The following HNRNPH1 variants were observed in gnomAD, a reference collection of about 807,000 sequenced individuals.
The protein encoded by HNRNPH1 is heterogeneous nuclear ribonucleoprotein H.
HNRNPH1 carries 4 observed loss-of-function variants against 58.6 expected under a neutral mutation model. The observed-to-expected ratio is 0.07, with a 90% CI of 0.03 to 0.16. HNRNPH1 has a LOEUF of 0.16. Among genes scored for constraint, HNRNPH1 ranks in the 10% least tolerant of loss-of-function variants. The pLI, the probability that HNRNPH1 is intolerant of heterozygous loss-of-function variation, is 1.00. For missense variants in HNRNPH1, 271 were observed against 564.2 expected (o/e 0.48, Z 5.26); for synonymous variants, 192 against 189.2 (o/e 1.01, Z -0.12).
chr5:179,618,573 G>C (rs987858308), intron 4 of HNRNPH1: 1 of 364,468 alleles, frequency 2.7e-6, no homozygotes. Flanking sequence ...CTTAGGGGTA[G>C]AGAGGAGTAC....
chr5:179,624,842 G>A (rs1049725698), upstream of HNRNPH1, among the ~76,000 whole-genome samples: 3 of 152,244 alleles, frequency 2.0e-5, no homozygotes, highest in Non-Finnish European at 2.9e-5. Context: ...ACCCTGGGAA[G>A]ATGCGGACAA....
intron 2 of HNRNPH1, 98 bp downstream of exon 3, chr5:179,621,144 G>T: frequency 6.7e-7 from 1 of 1,490,248 alleles, no homozygotes; most frequent in South Asian, 1.2e-5. Context: ...TCCCTTAGAT[G>T]ACCATTTCCA....
Position 179,617,571 on chromosome 5 carries a change from C to A in HNRNPH1, c.1000G>T (p.Glu334Ter). The A allele has an allele frequency of 6.2e-7, 1 of 1,614,120 alleles. No homozygotes were observed. The highest frequency in any genetic ancestry group is 8.5e-7 in the Non-Finnish European group (1 of 1,180,000). Residue 334 changes from glutamate to a stop codon, truncating the protein, a stop_gained, in exon 8 of 13, where the codon GAG (glutamate) becomes TAG (stop). Coordinates refer to ENST00000356731, the Ensembl canonical transcript of HNRNPH1. LOFTEE classifies it high-confidence loss of function. ...ACAGCATCTTCATGAGTTGCGAACT[C>A]GACATCTGCTTCACCAGTTACTCTG...
intron 3 of HNRNPH1, 39 bp downstream of exon 4, chr5:179,620,853 G>C: frequency 6.2e-7 from 1 of 1,603,150 alleles, no homozygotes; most frequent in Non-Finnish European, 8.5e-7. Flanking sequence ...CCATAAGCTA[G>C]CCAAAACTCA....
chr5:179,626,269 CT>C (rs1203635211), upstream of HNRNPH1, among the ~76,000 whole-genome samples: 1 of 151,440 alleles, frequency 6.6e-6, no homozygotes, highest in Non-Finnish European at 1.5e-5. Context: ...CACCTGGCTA[CT>C]TTTTTTTAAG....
rs191893746 is a variant in HNRNPH1, at chr5:179,631,703, C to T, written c.-32+2362G>A. 1.4e-3 allele frequency among the ~76,000 whole-genome samples: 215 copies of T among 150,984 alleles called. 2 individuals carry two copies. The highest frequency in any genetic ancestry group is 5.0e-3 in the African/African-American group (206 of 41,060). ...TGGACGTTGCGATGAGCTGAGTTCG[C>T]GCCACTGTACTCCAGCCTGGGCAAC... On this transcript the variant is annotated intron_variant, in intron 2 of 4. Coordinates refer to the HNRNPH1 transcript ENST00000521116.
chr5:179,620,152 CAT>C (rs1242643891), intron 3 of HNRNPH1: 8 of 152,184 alleles, frequency 5.3e-5, no homozygotes, highest in African/African-American at 1.7e-4. Flanking sequence ...GGACTCGATA[CAT>C]ATATCAATTT....
chr5:179,619,246 T>A lies in HNRNPH1; in HGVS notation c.536+23A>T, dbSNP rs377153881. On this transcript the variant is annotated intron_variant, in intron 4 of 12. Coordinates refer to ENST00000356731, the Ensembl canonical transcript of HNRNPH1. ...TGTTTACCATAAGAAAAGTGACATA[T>A]CCAACCAACCATCCATCCCCACCTG... The A allele has an allele frequency of 2.3e-4, 369 of 1,584,690 alleles. 2 individuals carry two copies. Among genetic ancestry groups the A allele is most frequent in the Admixed American group, 6.9e-4 (39 of 56,694 alleles).
exon 5 of HNRNPH1, chr5:179,618,271 G>A: frequency 6.2e-7 from 1 of 1,614,022 alleles, no homozygotes; most frequent in Non-Finnish European, 8.5e-7. Flanking sequence ...TTTCGTGGTG[G>A]ATCATAATGA....
chr5:179,616,655 C>G (rs1246416447), intron 10 of HNRNPH1: 3 of 579,404 alleles, frequency 5.2e-6, no homozygotes, highest in East Asian at 2.9e-5. Context: ...GTCCCCTCCC[C>G]CAAGACTACT....
chr5:179,617,902 T>C (rs1460465127), exon 7 of HNRNPH1: 1 of 1,614,026 alleles, frequency 6.2e-7, no homozygotes, highest in Non-Finnish European at 8.5e-7. Flanking sequence ...GTATCTGTGA[T>C]CAGACATTCC....
At chr5:179,617,712 A>G in intron 7 of HNRNPH1, 63 bp from the exon 9 acceptor site, 3 of 1,602,868 alleles carry the variant, frequency 1.9e-6, no homozygotes, top group Admixed American at 3.4e-5. Context: ...AAAACCTAAA[A>G]TTTCTAACAT....
In HNRNPH1 at chr5:179,615,993, C is replaced by G. The variant is rs1769374087; in HGVS notation, c.1300+133G>C. The G allele has an allele frequency of 1.4e-5, 10 of 724,392 alleles. No homozygotes were observed. The South Asian group carries it at 1.7e-4, about 13-fold the overall frequency. 44.9% of individuals were successfully genotyped at this position (724,392 alleles called of 1,614,324 possible). On this transcript the variant is annotated intron_variant, in intron 11 of 12. Coordinates refer to ENST00000356731, the Ensembl canonical transcript of HNRNPH1. Reference sequence around the variant, plus strand: ...CAATTTCACCGAAAGGAGCCTGCATCTTCCCAACTAAAGGCACCTGCCTGC... The same window carrying G: ...CAATTTCACCGAAAGGAGCCTGCATGTTCCCAACTAAAGGCACCTGCCTGC...
intron 2 of HNRNPH1, among the ~76,000 whole-genome samples, chr5:179,633,427 C>T (rs1291308025): frequency 6.7e-6 from 1 of 149,220 alleles, no homozygotes; most frequent in Non-Finnish European, 1.5e-5. Context: ...TCCCGAGTAG[C>T]TGGGACTACA....
At chr5:179,628,264 A>G (rs28544040), upstream of HNRNPH1, among the ~76,000 whole-genome samples, 62,659 of 152,130 alleles carry the variant, frequency 0.41, 13,715 homozygotes, top group East Asian at 0.72. Context: ...TGTTATCTTT[A>G]GTATCATTTG....
exon 1 of HNRNPH1, chr5:179,624,253 C>T (rs549356620): frequency 5.5e-6 from 2 of 366,740 alleles, no homozygotes; most frequent in Non-Finnish European, 9.7e-6. Flanking sequence ...ACGTCCCGCG[C>T]CCGAAGCCAC....
chr5:179,623,464 C>G, exon 1 of HNRNPH1: 1 of 192,514 alleles, frequency 5.2e-6, no homozygotes, highest in Non-Finnish European at 1.1e-5. Context: ...GCGCGGCCTG[C>G]AGGCCTCAGC....
At chr5:179,624,445 C>A (rs574956504) in exon 1 of HNRNPH1, 208 of 398,382 alleles carry the variant, frequency 5.2e-4, no homozygotes, top group African/African-American at 4.1e-3. Flanking sequence ...GGTCGGCAGG[C>A]CTTGACTGCC....
At position 179,616,821 on chromosome 5, in the gene HNRNPH1, T is replaced by C. The variant is rs749404977; in HGVS notation, c.1207+48A>G. ...AGATTAACTTAACTTATAATTGACT[T>C]ATACAGATATAAACGTTTTGGTTTT... On this transcript the variant is annotated intron_variant, in intron 10 of 12. Coordinates refer to ENST00000356731, the Ensembl canonical transcript of HNRNPH1. 2.1e-6 allele frequency: 3 copies of C among 1,423,384 alleles called. No homozygotes were observed. The East Asian group carries it at 6.8e-5, about 32-fold the overall frequency. 88.2% of individuals were successfully genotyped at this position (1,423,384 alleles called of 1,614,324 possible).
Sources: gnomAD v4.1 joint callset for allele counts (sites outside exome capture counted in the v4.1 genomes callset) on GRCh38, gnomAD v4.1.1 for gene constraint, MANE v1.5 for transcripts, NCBI Gene and HGNC (gene_info 2026-07-23, HGNC 2026-07-21) for gene names.